The following ELAC1 variants were observed in gnomAD, a reference collection of about 807,000 sequenced individuals.
ELAC1 encodes elaC ribonuclease Z 1, also known as zinc phosphodiesterase ELAC protein 1.
In ELAC1, 19 loss-of-function variants were observed where a neutral mutation model predicts 25.8. The observed-to-expected ratio is 0.74, with a 90% confidence interval of 0.51 to 1.08. The LOEUF (loss-of-function observed/expected upper bound fraction) is 1.08. Ranked by LOEUF, ELAC1 falls within the 50% of genes least tolerant of loss-of-function variation. The pLI, the probability that ELAC1 is intolerant of heterozygous loss-of-function variation, is 0.00. For synonymous variants in ELAC1, 148 were observed against 160.9 expected, an observed-to-expected ratio of 0.92 and a Z score of 0.61; for missense variants, 403 against 434.6, an observed-to-expected ratio of 0.93 and a Z score of 0.65.
chr18:50,978,043 C>T (rs903919504), intron 2 of ELAC1, among the ~76,000 whole-genome samples: 3 of 152,190 alleles, frequency 2.0e-5, no homozygotes, highest in African/African-American at 7.2e-5. Flanking sequence ...CATCTGAGAC[C>T]ACCTCAGCCT....
rs142132015 is a variant in ELAC1 at position 50,984,326 on chromosome 18, T to C, written c.388T>C (p.Cys130Arg). ...TGAACTGGTTCCTACAGCAGATCAA[T>C]GTCCTGCAGAAGAACTAAAAGAATT... is the stretch of plus-strand genomic sequence containing the variant. The part of the protein sequence containing the change: ...VHELVPTADQ[C>R]PAEELKEFAH... The change falls in exon 3 of 4, where the codon TGT (cysteine) becomes CGT (arginine). Residue 130 changes from cysteine (C) to arginine (R), a missense_variant. Coordinates refer to ENST00000269466, the MANE Select transcript of ELAC1 (RefSeq NM_018696.3). The C allele has an allele frequency of 4.0e-3, 6,382 of 1,614,178 alleles. 20 individuals are homozygous for C. The highest frequency in any genetic ancestry group is 4.9e-3 in the Non-Finnish European group (5,812 of 1,180,000).
Position 50,987,322 on chromosome 18 carries a change from A to G in ELAC1, c.*237A>G. 1 of 383,742 alleles carries G rather than the reference A, an allele frequency of 2.6e-6. No individual in the cohort carries two copies. The highest frequency in any genetic ancestry group is 2.1e-5 in the African/African-American group (1 of 48,724). 23.8% of individuals were successfully genotyped at this position (383,742 alleles called of 1,614,324 possible). A position where few individuals can be genotyped will look rare whatever the true frequency, so the allele number is the denominator to read the frequency against. ...TTTGAAGTCCAGATTTGTCAAAATG[A>G]TAGACTATTCAGTTATACATCTTAT... On this transcript the variant is annotated 3_prime_UTR_variant, in exon 4 of 4. Coordinates refer to ENST00000269466, the MANE Select transcript of ELAC1 (RefSeq NM_018696.3).
rs372931177 is a variant in ELAC1 at position 50,984,228 on chromosome 18, T to C, written c.290T>C (p.Val97Ala). ...CAGCCTATTGAAATCTATGGCCCTGTAGGGCTTCGGGACTTTATCTGGCGA... is the reference window on the plus strand; with the variant it reads ...CAGCCTATTGAAATCTATGGCCCTGCAGGGCTTCGGGACTTTATCTGGCGA... ...SKQPIEIYGP[V>A]GLRDFIWRTM... The change falls in exon 3 of 4, where the codon GTA becomes GCA. Residue 97 changes from valine to alanine, a missense_variant. By Grantham distance (64) the Val-to-Ala change is moderately conservative (BLOSUM62 0). Coordinates refer to ENST00000269466, the MANE Select transcript of ELAC1 (RefSeq NM_018696.3). 3.1e-6 allele frequency: 5 copies of C among 1,614,036 alleles called. No individual in the cohort carries two copies. Among genetic ancestry groups the C allele is most frequent in the Non-Finnish European group, 4.2e-6 (5 of 1,180,022 alleles).
rs182595838 is a variant in ELAC1 at position 50,987,549 on chromosome 18, T to C, written c.*464T>C. On this transcript the variant is annotated 3_prime_UTR_variant, in exon 4 of 4. Coordinates refer to ENST00000269466, the MANE Select transcript of ELAC1 (RefSeq NM_018696.3). The stretch of plus-strand genomic sequence containing the variant: ...TGAGACGTTGGACAGGCAGGATTGA[T>C]GATAGCATGACCATAGCTTTGCTGG... 3.3e-5 allele frequency: 5 copies of C among 153,380 alleles called. No individual in the cohort carries two copies. The highest frequency in any genetic ancestry group is 1.2e-4 in the African/African-American group (5 of 41,646). The allele number at this position is 153,380 out of a possible 1,614,324, so 9.5% of individuals were successfully genotyped here. A position where few individuals can be genotyped will look rare whatever the true frequency, so the allele number is the denominator to read the frequency against.
chr18:50,970,756 T>A (rs182060793), intron 1 of ELAC1, among the ~76,000 whole-genome samples: 58 of 150,880 alleles, frequency 3.8e-4, no homozygotes, highest in Admixed American at 9.2e-4. Context: ...AAAATGCCAC[T>A]CATTGAAACA....
At chr18:50,979,390 GT>G (rs1162208397) in intron 2 of ELAC1, among the ~76,000 whole-genome samples, 2 of 152,116 alleles carry the variant, frequency 1.3e-5, no homozygotes, top group East Asian at 3.9e-4. Context: ...CTTTCAGGTT[GT>G]TGGCAGAACC....
Position 50,984,247 on chromosome 18 carries a change from C to G in ELAC1, c.309C>G (p.Ile103Met), listed in dbSNP as rs770795979. The G allele has an allele frequency of 3.1e-6, 5 of 1,614,168 alleles. No homozygotes were observed. Among genetic ancestry groups the G allele is most frequent in the Non-Finnish European group, 4.2e-6 (5 of 1,180,030 alleles). Residue 103 changes from isoleucine to methionine, a missense_variant, in exon 3 of 4, where the codon ATC becomes ATG. Transcript: ENST00000269466. ...IYGPVGLRDF[I>M]WRTMELSHTE... ...GCCCTGTAGGGCTTCGGGACTTTAT[C>G]TGGCGAACCATGGAACTCTCTCACA... is the stretch of plus-strand genomic sequence containing the variant.
At chr18:50,971,705 T>C (rs773760181) in intron 1 of ELAC1, among the ~76,000 whole-genome samples, 1 of 151,966 alleles carries the variant, frequency 6.6e-6, no homozygotes, top group Non-Finnish European at 1.5e-5. Flanking sequence ...TCTTTGTTCT[T>C]TATTTTGCAT....
intron 1 of ELAC1, among the ~76,000 whole-genome samples, chr18:50,972,555 C>T (rs1459789945): frequency 6.6e-6 from 1 of 152,214 alleles, no homozygotes; most frequent in East Asian, 1.9e-4. Context: ...AATCTTGGCT[C>T]ACTATGACTG....
chr18:50,978,488 G>T (rs1907854348), intron 2 of ELAC1, among the ~76,000 whole-genome samples: 1 of 152,190 alleles, frequency 6.6e-6, no homozygotes, highest in Non-Finnish European at 1.5e-5. Flanking sequence ...CAAACCATCA[G>T]ACCTCGTGAG....
intron 3 of ELAC1, chr18:50,984,922 ACT>A (rs1277496935): frequency 1.3e-5 from 4 of 306,364 alleles, no homozygotes; most frequent in Non-Finnish European, 2.4e-5. Flanking sequence ...ACAAAGCGAA[ACT>A]CTGTCTCAAA....
intron 2 of ELAC1, among the ~76,000 whole-genome samples, chr18:50,977,585 C>T (rs1245726040): frequency 6.6e-6 from 1 of 152,218 alleles, no homozygotes; most frequent in African/African-American, 2.4e-5. Flanking sequence ...GGCCTCTGGG[C>T]ACGTGATGGG....
chr18:50,983,968 G>A, intron 2 of ELAC1, 128 bp from the exon 3 acceptor site: 1 of 562,784 alleles, frequency 1.8e-6, no homozygotes, highest in Non-Finnish European at 3.0e-6. Flanking sequence ...AGTTTATGAT[G>A]ATAAGTAGAA....
chr18:50,979,448 A>G (rs1454326921), intron 2 of ELAC1, among the ~76,000 whole-genome samples: 1 of 152,164 alleles, frequency 6.6e-6, no homozygotes, highest in African/African-American at 2.4e-5. Context: ...AGTTCTCTGC[A>G]TTGTAGGTTT....
chr18:50,984,829 G>A (rs1908057407), intron 3 of ELAC1: 3 of 522,148 alleles, frequency 5.7e-6, no homozygotes, highest in South Asian at 6.5e-5. Context: ...CTACTTGGGG[G>A]GCTGAGGCAG....
chr18:50,984,167 A>C lies in ELAC1; in HGVS notation c.229A>C (p.Thr77Pro). The change falls in exon 3 of 4, where the codon ACA becomes CCA. Residue 77 changes from threonine to proline, a missense_variant. Thr to Pro is a conservative substitution (Grantham distance 38). Transcript: ENST00000269466. ...HFFGLPGLLC[T>P]ISLQSGSMVS... ...CTTTGGCCTTCCTGGGCTCCTCTGC[A>C]CAATCAGCCTGCAGAGTGGCTCCAT... 1 of 1,614,108 alleles carries C rather than the reference A, an allele frequency of 6.2e-7. No homozygotes were observed. The highest frequency in any genetic ancestry group is 2.2e-5 in the East Asian group (1 of 44,882).
chr18:50,982,821 C>T (rs1290457349), intron 2 of ELAC1, among the ~76,000 whole-genome samples: 1 of 152,184 alleles, frequency 6.6e-6, no homozygotes, highest in African/African-American at 2.4e-5. Flanking sequence ...CTTTTTCCCT[C>T]TCCTACCTCC....
At position 50,976,432 on chromosome 18, in the gene ELAC1, G is replaced by A. The variant is rs148089037; in HGVS notation, c.157+1871G>A. ...TGGAAGGCAAAGGCAGAGCAAAGGC[G>A]TGTCTTACGTGGTGGCAGGCAAGAA... On this transcript the variant is annotated intron_variant, in intron 2 of 3. Transcript: ENST00000269466. Among the ~76,000 whole-genome samples the A allele has an allele frequency of 3.0e-4, 45 of 152,294 alleles. 1 individual carries two copies. In the East Asian group the frequency reaches 4.8e-3, roughly 16 times the overall value.
chr18:50,972,149 G>A lies in ELAC1; in HGVS notation c.-8-2248G>A, dbSNP rs2031128904. ...AAAATGTCTGTTTTTAAAGTTTCTGGATTTTATGTCTTGCCAATAAGGGCT... is the reference window on the plus strand; with the variant it reads ...AAAATGTCTGTTTTTAAAGTTTCTGAATTTTATGTCTTGCCAATAAGGGCT... On this transcript the variant is annotated intron_variant, in intron 1 of 3. Transcript: ENST00000269466. Among the ~76,000 whole-genome samples the A allele has an allele frequency of 2.7e-5, 4 of 150,802 alleles. No individual in the cohort carries two copies. In the South Asian group the frequency reaches 8.4e-4, roughly 32 times the overall value.
Sources: gnomAD v4.1 joint callset for allele counts (sites outside exome capture counted in the v4.1 genomes callset) on GRCh38, gnomAD v4.1.1 for gene constraint, MANE v1.5 for transcripts, NCBI Gene and HGNC (gene_info 2026-07-23, HGNC 2026-07-21) for gene names.